Variants in ERMAP observed in about 807,000 individuals in gnomAD.
ERMAP encodes erythroid membrane-associated protein.
In ERMAP, 34 loss-of-function variants were observed where a neutral mutation model predicts 49.5. That is an observed-to-expected ratio of 0.69 (90% CI 0.52 to 0.91). The LOEUF is 0.91. ERMAP is among the 40% of genes least tolerant of loss of function. The pLI is 0.00. For missense variants in ERMAP, 541 were observed against 582.6 expected (o/e 0.93, Z 0.74); for synonymous variants, 214 against 232.2 (o/e 0.92, Z 0.71).
Position 42,843,304 on chromosome 1 carries a change from C to T in ERMAP, c.*72C>T. On this transcript the variant is annotated 3_prime_UTR_variant, in exon 12 of 12. Transcript: ENST00000372517. ...TGGACTTCAGTCGCCTGGCCCAACC[C>T]CATGATTATGGAACGTCTCTTCACC... 1 of 1,134,812 alleles carries T rather than the reference C, an allele frequency of 8.8e-7. No individual in the cohort carries two copies. Among genetic ancestry groups the T allele is most frequent in the South Asian group, 1.6e-5 (1 of 62,520 alleles). 70.3% of individuals were successfully genotyped at this position (1,134,812 alleles called of 1,614,324 possible).
At chr1:42,832,725 A>G (rs915280162) in intron 4 of ERMAP, among the ~76,000 whole-genome samples, 1 of 152,212 alleles carries the variant, frequency 6.6e-6, no homozygotes, top group African/African-American at 2.4e-5. Context: ...CATGTGATAC[A>G]GTTATTGCTA....
At position 42,839,832 on chromosome 1, in the gene ERMAP, C is replaced by T. The variant is rs1655006378; in HGVS notation, c.638-201C>T. 6 of 608,776 alleles carry T rather than the reference C, an allele frequency of 9.9e-6. No homozygotes were observed. In the South Asian group the frequency reaches 1.2e-4, roughly 12 times the overall value. 37.7% of individuals were successfully genotyped at this position (608,776 alleles called of 1,614,324 possible). A position where few individuals can be genotyped will look rare whatever the true frequency, so the allele number is the denominator to read the frequency against. The stretch of plus-strand genomic sequence containing the variant: ...AAGGTTTGGCTCACATAGGAATTTG[C>T]TGATCCTCTGCAGTATCTCTGGGGA... On this transcript the variant is annotated intron_variant, in intron 8 of 11. Transcript: ENST00000372517.
intron 5 of ERMAP, 145 bp downstream of exon 5, chr1:42,835,299 C>T: frequency 1.6e-6 from 1 of 644,430 alleles, no homozygotes; most frequent in Non-Finnish European, 2.8e-6. Context: ...ACTGGTAGAG[C>T]CATGCCCTGG....
intron 8 of ERMAP, chr1:42,839,821 A>G (rs1026200443): frequency 2.7e-5 from 16 of 600,946 alleles, no homozygotes; most frequent in Middle Eastern, 4.4e-4. Flanking sequence ...TTTGGCTCAC[A>G]TAGGAATTTG....
At position 42,830,483 on chromosome 1, in the gene ERMAP, C is replaced by T; in HGVS notation, c.35C>T (p.Ser12Phe). ...EMASSAGSWL[S>F]GCLIPLVFLR... is the part of the protein sequence containing the mutation. ...GCGAGTTCTGCTGGCTCCTGGCTCT[C>T]TGGCTGCCTCATCCCTCTCGTCTTC... Residue 12 changes from serine (S) to phenylalanine (F), a missense_variant, in exon 3 of 12, where the codon TCT becomes TTT. Coordinates refer to ENST00000372517, the MANE Select transcript of ERMAP (RefSeq NM_001017922.2). 1 of 1,614,190 alleles carries T rather than the reference C, an allele frequency of 6.2e-7. No individual in the cohort carries two copies. Among genetic ancestry groups the T allele is most frequent in the Non-Finnish European group, 8.5e-7 (1 of 1,180,018 alleles).
At chr1:42,837,542 G>C (rs1654937248) in intron 7 of ERMAP, 1 of 166,606 alleles carries the variant, frequency 6.0e-6, no homozygotes, top group Non-Finnish European at 1.3e-5. Context: ...CACAACCTTT[G>C]CATAGAGAGA....
At position 42,843,990 on chromosome 1, in the gene ERMAP, G is replaced by A. The variant is rs1655143434; in HGVS notation, c.*758G>A. On this transcript the variant is annotated 3_prime_UTR_variant, in exon 12 of 12. Transcript: ENST00000372517. ...AGAACTCAGCTGTATGTTGCCCTCT[G>A]ACCTTGGCCCAGACCTTCAGAGGCT... 5.0e-6 allele frequency: 2 copies of A among 398,200 alleles called. No homozygotes were observed. The highest frequency in any genetic ancestry group is 8.8e-5 in the Admixed American group (2 of 22,710). The allele number at this position is 398,200 out of a possible 1,614,324, so 24.7% of individuals were successfully genotyped here. A position where few individuals can be genotyped will look rare whatever the true frequency, so the allele number is the denominator to read the frequency against.
intron 6 of ERMAP, 71 bp downstream of exon 6, chr1:42,835,835 C>G (rs1570542064): frequency 6.4e-7 from 1 of 1,551,994 alleles, no homozygotes; most frequent in Non-Finnish European, 8.7e-7. Flanking sequence ...CCCATACCCA[C>G]TAACCTGGAT....
chr1:42,830,497 C>T lies in ERMAP; in HGVS notation c.49C>T (p.Pro17Ser). 6.2e-7 allele frequency: 1 copy of T among 1,614,180 alleles called. No homozygotes were observed. The highest frequency in any genetic ancestry group is 8.5e-7 in the Non-Finnish European group (1 of 1,180,016). Reference sequence around the variant, plus strand: ...CTCCTGGCTCTCTGGCTGCCTCATCCCTCTCGTCTTCCTCCGGCTGTCTGT... The same window carrying T: ...CTCCTGGCTCTCTGGCTGCCTCATCTCTCTCGTCTTCCTCCGGCTGTCTGT... ...AGSWLSGCLI[P>S]LVFLRLSVHV... The change falls in exon 3 of 12, where the codon CCT becomes TCT. Residue 17 changes from proline to serine, a missense_variant. Pro to Ser is a moderately conservative substitution (Grantham distance 74, BLOSUM62 -1). Coordinates refer to ENST00000372517, the MANE Select transcript of ERMAP (RefSeq NM_001017922.2).
At chr1:42,828,828 T>C (rs1041025001) in intron 2 of ERMAP, among the ~76,000 whole-genome samples, 1 of 152,044 alleles carries the variant, frequency 6.6e-6, no homozygotes. Context: ...ACTTCATAGA[T>C]TGTCTGAATC....
At chr1:42,825,472 C>G (rs1654515308) in intron 1 of ERMAP, 151 bp from the exon 2 acceptor site, 2 of 1,155,052 alleles carry the variant, frequency 1.7e-6, no homozygotes, top group African/African-American at 1.6e-5. Flanking sequence ...TGGGAGCCTC[C>G]TCTTTGCTCT....
intron 2 of ERMAP, among the ~76,000 whole-genome samples, chr1:42,827,604 A>G (rs1654593096): frequency 6.6e-6 from 1 of 152,202 alleles, no homozygotes; most frequent in Non-Finnish European, 1.5e-5. Context: ...TCATTTCCAG[A>G]TTTTCCTACA....
intron 2 of ERMAP, among the ~76,000 whole-genome samples, chr1:42,827,476 G>T (rs1409301509): frequency 1.3e-5 from 2 of 152,196 alleles, no homozygotes; most frequent in Non-Finnish European, 2.9e-5. Context: ...CCCAGTCATG[G>T]TTTTTGTTTG....
At chr1:42,817,760 C>A (rs1164056726) in intron 1 of ERMAP, 2 of 152,294 alleles carry the variant, frequency 1.3e-5, no homozygotes, top group South Asian at 2.1e-4. Flanking sequence ...AGAACATTCA[C>A]GTTCAACTGA....
Position 42,840,286 on chromosome 1 carries a change from G to A in ERMAP, c.702G>A (p.Arg234=). The change falls in exon 11 of 12, where the codon CGG becomes CGA. Residue 234 remains arginine, a synonymous_variant. Transcript: ENST00000372517. ...AAANSGWRRA[R]LHFVAVTLDP... is the part of the protein sequence containing the mutation. ...ATTTTTCAGGCTGGAGAAGAGCCCG[G>A]TTGCATTTTGGTAAGTTATACCAAT... The A allele has an allele frequency of 6.2e-7, 1 of 1,614,116 alleles. No homozygotes were observed. Among genetic ancestry groups the A allele is most frequent in the Non-Finnish European group, 8.5e-7 (1 of 1,180,022 alleles).
At position 42,844,387 on chromosome 1, in the gene ERMAP, A is replaced by G. The variant is rs1655154950; in HGVS notation, c.*1155A>G. The G allele has an allele frequency of 2.9e-6, 1 of 344,826 alleles. No homozygotes were observed. The highest frequency in any genetic ancestry group is 4.8e-5 in the Admixed American group (1 of 21,044). The allele number at this position is 344,826 out of a possible 1,614,324, so 21.4% of individuals were successfully genotyped here. A position where few individuals can be genotyped will look rare whatever the true frequency, so the allele number is the denominator to read the frequency against. ...GAATACACAGTTCTATCCAACAGAAACTGTATCTTTCTGTTTGTCAGAAGT... is the reference window on the plus strand; with the variant it reads ...GAATACACAGTTCTATCCAACAGAAGCTGTATCTTTCTGTTTGTCAGAAGT... On this transcript the variant is annotated 3_prime_UTR_variant, in exon 12 of 12. Transcript: ENST00000372517. The surrounding 1 kb of genome is among the most constrained non-coding windows in gnomAD (Gnocchi z 4.0).
intron 2 of ERMAP, 48 bp from the exon 3 acceptor site, chr1:42,830,396 C>T (rs780194788): frequency 9.0e-6 from 14 of 1,556,992 alleles, no homozygotes; most frequent in South Asian, 8.9e-5. Flanking sequence ...CCCTCTGTCA[C>T]GCCAAGCCCA....
rs796367653 is a variant in ERMAP, at chr1:42,831,575, CTTTTTTTT to C, written c.433+474_433+481del. 4.4e-4 allele frequency among the ~76,000 whole-genome samples: 37 copies of C among 83,980 alleles called. No homozygotes were observed. The South Asian group carries it at 4.6e-3, about 10-fold the overall frequency. The allele number at this position is 83,980 out of a possible 152,430, so 55.1% of individuals were successfully genotyped here. A position where few individuals can be genotyped will look rare whatever the true frequency, so the allele number is the denominator to read the frequency against. ...ATAGTGTTTTTTTTTTTTTTTTTCTCTTTTTTTTTTTTTTTTTTTTTGTTTTGAGATAG... is the reference window on the plus strand; with the variant it reads ...ATAGTGTTTTTTTTTTTTTTTTTCTCTTTTTTTTTTTTTGTTTTGAGATAG... On this transcript the variant is annotated intron_variant, in intron 4 of 11. Transcript: ENST00000372517.
At chr1:42,823,111 G>A (rs761690282) in intron 1 of ERMAP, among the ~76,000 whole-genome samples, 4 of 152,174 alleles carry the variant, frequency 2.6e-5, no homozygotes, top group Admixed American at 2.0e-4. Flanking sequence ...TCAGATAATC[G>A]TGGATATTCT....
Sources: gnomAD v4.1 joint callset for allele counts (sites outside exome capture counted in the v4.1 genomes callset) on GRCh38, gnomAD v4.1.1 for gene constraint, Gnocchi (gnomAD v3.1) non-coding constraint, MANE v1.5 for transcripts, NCBI Gene and HGNC (gene_info 2026-07-23, HGNC 2026-07-21) for gene names.